Variants in EPG5 observed in about 807,000 individuals in gnomAD.
EPG5 encodes the protein ectopic P-granules 5 autophagy tethering factor, also known as ectopic P granules protein 5 homolog.
A neutral mutation model predicts 302.7 loss-of-function variants in EPG5; 159 were observed. The ratio of observed to expected loss-of-function variants is 0.53; its 90% CI spans 0.46 to 0.60. EPG5 has a LOEUF of 0.60. Ranked by LOEUF, EPG5 falls within the 20% of genes least tolerant of loss-of-function variation. The pLI, the probability that EPG5 is intolerant of heterozygous loss-of-function variation, is 0.00. For missense variants in EPG5, 2,896 were observed against 3,092.4 expected, an observed-to-expected ratio of 0.94 and a Z score of 1.51; for synonymous variants, 1,158 against 1,136.8, an observed-to-expected ratio of 1.02 and a Z score of -0.37.
intron 1 of EPG5, among the ~76,000 whole-genome samples, chr18:45,959,934 G>A (rs1008301621): frequency 2.0e-5 from 3 of 152,110 alleles, no homozygotes; most frequent in Non-Finnish European, 4.4e-5. Flanking sequence ...AGCTGAGATT[G>A]TGCCACTGCA....
At chr18:45,913,669 A>T (rs1344708134) in intron 21 of EPG5, 37 bp downstream of exon 21, 1 of 1,611,840 alleles carries the variant, frequency 6.2e-7, no homozygotes, top group Admixed American at 1.7e-5. Context: ...AGTGTAAGCC[A>T]CCTTCTACCA....
At chr18:45,953,408 A>G in intron 2 of EPG5, 1 of 985,368 alleles carries the variant, frequency 1.0e-6, no homozygotes, top group Non-Finnish European at 1.2e-6. Context: ...TCTCTTCTTC[A>G]ATACAGTATT....
chr18:45,899,132 A>C (rs2049546958), intron 27 of EPG5, among the ~76,000 whole-genome samples: 2 of 152,048 alleles, frequency 1.3e-5, no homozygotes, highest in African/African-American at 4.8e-5. Flanking sequence ...AACAAACAAA[A>C]AAAGGAATCA....
intron 31 of EPG5, among the ~76,000 whole-genome samples, chr18:45,881,512 C>A (rs185205345): frequency 5.9e-5 from 9 of 152,278 alleles, no homozygotes; most frequent in African/African-American, 2.2e-4. Context: ...TAAACTATTT[C>A]TATGATGTAA....
At chr18:45,879,282 G>C (rs1461637908) in intron 32 of EPG5, 68 bp from the exon 33 acceptor site, 6 of 1,094,452 alleles carry the variant, frequency 5.5e-6, no homozygotes, top group Non-Finnish European at 8.0e-6. Flanking sequence ...ATGATACACT[G>C]TGATGGGGGT....
chr18:45,868,020 C>A, intron 36 of EPG5: 1 of 517,392 alleles, frequency 1.9e-6, no homozygotes, highest in South Asian at 1.5e-5. Flanking sequence ...CTAACCCCAA[C>A]CTGGGTGGAG....
the EPG5 span, among the ~76,000 whole-genome samples, chr18:45,830,571 A>G: frequency 1.5e-5 from 2 of 131,148 alleles, no homozygotes; most frequent in African/African-American, 5.7e-5. Flanking sequence ...TTTTAGCTAG[A>G]TATTTTTCTT....
chr18:45,858,572 T>A lies in EPG5; in HGVS notation c.7220A>T (p.Tyr2407Phe). Residue 2407 changes from tyrosine to phenylalanine, a missense_variant, in exon 41 of 44, where the codon TAC becomes TTC. Physicochemically the swap from Tyr to Phe is conservative, Grantham distance 22. Around this residue, in one of 5 missense-constraint regions of EPG5, gnomAD observed 620 missense variants for 704.2 expected, o/e 0.88. Coordinates refer to ENST00000282041, the MANE Select transcript of EPG5 (RefSeq NM_020964.3). ...AGCCTGAGGGCCAACGTACCTTGGG[T>A]ACACCTGTTCCAGCCACTTGCTTAA... ...LILSKWLEQV[Y>F]PSSVEEEAKL... is the part of the protein sequence containing the mutation. 6.2e-7 allele frequency: 1 copy of A among 1,613,936 alleles called. No homozygotes were observed. Among genetic ancestry groups the A allele is most frequent in the Non-Finnish European group, 8.5e-7 (1 of 1,179,816 alleles).
At chr18:45,857,002 T>A (rs2048529177) in intron 42 of EPG5, among the ~76,000 whole-genome samples, 1 of 151,996 alleles carries the variant, frequency 6.6e-6, no homozygotes. Flanking sequence ...GACTGCAACC[T>A]CTGCCTCCTG....
the EPG5 span, among the ~76,000 whole-genome samples, chr18:45,831,572 C>G: frequency 6.6e-6 from 1 of 152,190 alleles, no homozygotes; most frequent in East Asian, 1.9e-4. Flanking sequence ...CAGCACCCAG[C>G]AGAGTCTCTA....
chr18:45,931,010 C>G (rs557130345), intron 11 of EPG5, among the ~76,000 whole-genome samples, 180 bp from the exon 12 acceptor site: 1 of 152,358 alleles, frequency 6.6e-6, no homozygotes, highest in African/African-American at 2.4e-5. Flanking sequence ...GAAATTCCAA[C>G]AAACTCTAAA....
At chr18:45,825,503 T>C in the EPG5 span, 197 of 568,334 alleles carry the variant, frequency 3.5e-4, no homozygotes, top group African/African-American at 3.4e-3. Context: ...ATTCCCCTCT[T>C]GGTTTTCCAC....
In EPG5 at chr18:45,901,114, G is replaced by A. The variant is rs760701597; in HGVS notation, c.4528C>T (p.Leu1510Phe). The change falls in exon 26 of 44, where the codon CTT becomes TTT. Residue 1510 changes from leucine (L) to phenylalanine (F), a missense_variant. This residue lies in a region of EPG5 where 790 missense variants were observed against 798.0 expected (regional missense o/e 0.99). Coordinates refer to ENST00000282041, the MANE Select transcript of EPG5 (RefSeq NM_020964.3). ...GGAGGCTTCGTCGGGTGCAGAGCAA[G>A]GGGAGGCTGGGGAGCCTCATGCTTC... ...LRKHEAPQPPLALHPTKPPVP... is the reference protein window; with the variant it reads ...LRKHEAPQPPFALHPTKPPVP... 2 of 1,614,040 alleles carry A rather than the reference G, an allele frequency of 1.2e-6. No individual in the cohort carries two copies. Among genetic ancestry groups the A allele is most frequent in the Non-Finnish European group, 1.7e-6 (2 of 1,180,032 alleles).
intron 24 of EPG5, among the ~76,000 whole-genome samples, chr18:45,905,609 T>C (rs1382704613): frequency 1.3e-5 from 2 of 152,214 alleles, no homozygotes; most frequent in Non-Finnish European, 1.5e-5. Flanking sequence ...ATAGAGCAAC[T>C]ACTAGGAATT....
intron 27 of EPG5, among the ~76,000 whole-genome samples, chr18:45,899,082 G>A (rs994533424): frequency 1.3e-5 from 2 of 152,050 alleles, no homozygotes; most frequent in Admixed American, 6.6e-5. Flanking sequence ...CCAAGATCGC[G>A]CCACTGCACT....
chr18:45,924,465 C>T (rs2050226247), intron 14 of EPG5, among the ~76,000 whole-genome samples: 1 of 152,198 alleles, frequency 6.6e-6, no homozygotes, highest in South Asian at 2.1e-4. Context: ...ATCTGCACAA[C>T]AGGTATCATG....
chr18:45,950,990 T>C, intron 4 of EPG5, 112 bp downstream of exon 4: 1 of 778,804 alleles, frequency 1.3e-6, no homozygotes, highest in Non-Finnish European at 1.8e-6. Context: ...AATAAACTCA[T>C]CAAATAAATT....
At position 45,880,104 on chromosome 18, in the gene EPG5, A is replaced by T. The variant is rs748945271; in HGVS notation, c.5638T>A (p.Ser1880Thr). The T allele has an allele frequency of 2.5e-6, 4 of 1,608,414 alleles. No individual in the cohort carries two copies. Among genetic ancestry groups the T allele is most frequent in the Middle Eastern group, 1.7e-4 (1 of 6,028 alleles). The stretch of plus-strand genomic sequence containing the variant: ...TTGTCTGACAAGAGAGCATCAGAAG[A>T]GCTGGGAAGCACGGCGCCCTCGGTG... ...ASTEGAVLPSSSDALLSDKQV... is the reference protein window; with the variant it reads ...ASTEGAVLPSTSDALLSDKQV... Residue 1880 changes from serine (S) to threonine (T), a missense_variant, in exon 32 of 44, where the codon TCT becomes ACT. Ser to Thr is a moderately conservative substitution (Grantham distance 58). Around this residue, in one of 5 missense-constraint regions of EPG5, gnomAD observed 790 missense variants for 798.0 expected, o/e 0.99. Coordinates refer to ENST00000282041, the MANE Select transcript of EPG5 (RefSeq NM_020964.3).
intron 27 of EPG5, among the ~76,000 whole-genome samples, chr18:45,895,780 A>G (rs111467546): frequency 4.6e-5 from 7 of 152,360 alleles, no homozygotes; most frequent in African/African-American, 1.7e-4. Flanking sequence ...ATGTATAAAA[A>G]TAACACAACC....
Sources: allele counts gnomAD v4.1 joint callset (sites outside exome capture counted in the v4.1 genomes callset), GRCh38; gene constraint gnomAD v4.1.1; regional missense constraint gnomAD v4.1.1; transcripts MANE v1.5; gene names NCBI Gene and HGNC (gene_info 2026-07-23, HGNC 2026-07-21).